RALYL: variants seen among roughly 807,000 people sequenced by gnomAD.
RALYL encodes RALY RNA binding protein like.
In RALYL, 29 loss-of-function variants were observed where a neutral mutation model predicts 35.1. That is an observed-to-expected ratio of 0.83 (90% CI 0.61 to 1.13). The LOEUF (loss-of-function observed/expected upper bound fraction) is 1.13, where lower values mean the gene tolerates loss of function less well. Ranked by LOEUF, RALYL falls within the 50% of genes most tolerant of loss-of-function variation. The probability of loss-of-function intolerance (pLI) is 0.00; values close to 1 mark genes in which losing one functional copy is unlikely to be tolerated. For missense variants in RALYL, 359 were observed against 360.4 expected (o/e 1.00, Z 0.03); for synonymous variants, 120 against 127.6 (o/e 0.94, Z 0.40).
At position 84,686,727 on chromosome 8, in the gene RALYL, A is replaced by G. The variant is rs997617238; in HGVS notation, c.257-87852A>G. Reference sequence around the variant, plus strand: ...ACCATTACATCATAATGTTTTTAAAAGTTTTATCAAACATATTTTCATCAT... The same window carrying G: ...ACCATTACATCATAATGTTTTTAAAGGTTTTATCAAACATATTTTCATCAT... On this transcript the variant is annotated intron_variant, in intron 2 of 8. Transcript: ENST00000521268. 5.3e-5 allele frequency among the ~76,000 whole-genome samples: 8 copies of G among 152,112 alleles called. No individual in the cohort carries two copies. The East Asian group carries it at 1.5e-3, about 29-fold the overall frequency.
intron 1 of RALYL, among the ~76,000 whole-genome samples, chr8:84,324,372 G>A (rs1164102059): frequency 2.6e-5 from 4 of 151,822 alleles, no homozygotes; most frequent in South Asian, 2.1e-4. Context: ...ACTTTGAGTG[G>A]TTGTATAGCT....
Position 84,550,513 on chromosome 8 carries a change from T to G in RALYL, c.256+20936T>G, listed in dbSNP as rs563671312. On this transcript the variant is annotated intron_variant, in intron 2 of 8. Coordinates refer to ENST00000521268, the MANE Select transcript of RALYL (RefSeq NM_173848.7). ...AAATAGTACCATATTTTTCTTTAAC[T>G]ACTAATAATGAAAAGTGAAGCTGAA... Among the ~76,000 whole-genome samples the G allele has an allele frequency of 5.3e-5, 8 of 152,056 alleles. No homozygotes were observed. The South Asian group carries it at 1.7e-3, about 32-fold the overall frequency.
chr8:84,350,395 A>C (rs1017832401), intron 1 of RALYL, among the ~76,000 whole-genome samples: 8 of 150,476 alleles, frequency 5.3e-5, no homozygotes, highest in Non-Finnish European at 1.0e-4. Flanking sequence ...AAAATGAAGA[A>C]TTTTTTTAAA....
At chr8:84,685,793 A>G (rs1836645240) in intron 2 of RALYL, among the ~76,000 whole-genome samples, 2 of 152,208 alleles carry the variant, frequency 1.3e-5, no homozygotes, top group South Asian at 4.1e-4. Flanking sequence ...TGAATAGTTA[A>G]GAAACACATA....
intron 2 of RALYL, among the ~76,000 whole-genome samples, chr8:84,641,403 G>A (rs146520875): frequency 0.016 from 2,449 of 151,630 alleles, 79 homozygotes; most frequent in African/African-American, 0.056. Flanking sequence ...TATAGATTAA[G>A]CCATTCCACT....
At chr8:84,733,047 G>T (rs1846540950) in intron 2 of RALYL, among the ~76,000 whole-genome samples, 1 of 151,924 alleles carries the variant, frequency 6.6e-6, no homozygotes, top group South Asian at 2.1e-4. Flanking sequence ...TCCTCTTGTG[G>T]CCCAGAGTCA....
At chr8:84,425,607 C>G (rs938579173) in intron 1 of RALYL, among the ~76,000 whole-genome samples, 1 of 152,156 alleles carries the variant, frequency 6.6e-6, no homozygotes, top group African/African-American at 2.4e-5. Context: ...TATACAGCCA[C>G]TTGTCCAATT....
intron 1 of RALYL, among the ~76,000 whole-genome samples, chr8:84,373,429 C>T (rs181279052): frequency 3.3e-5 from 5 of 152,082 alleles, no homozygotes; most frequent in Non-Finnish European, 5.9e-5. Context: ...TTTCAATTTT[C>T]TGCACATGGC....
At chr8:84,807,477 GCA>G (rs1274880122) in intron 4 of RALYL, among the ~76,000 whole-genome samples, 1 of 152,184 alleles carries the variant, frequency 6.6e-6, no homozygotes, top group African/African-American at 2.4e-5. Context: ...CTATAAACAT[GCA>G]TGTGCAAGTA....
rs184366091 is a variant in RALYL at position 84,325,222 on chromosome 8, G to A, written c.-24+140798G>A. On this transcript the variant is annotated intron_variant, in intron 1 of 8. Transcript: ENST00000521268. ...ATACTGTATTCAAAATTTCATTATC[G>A]TCAGGAAATATATCTCCTTTAAATC... Among the ~76,000 whole-genome samples the A allele has an allele frequency of 2.0e-3, 302 of 152,122 alleles. 1 individual carries two copies. Among genetic ancestry groups the A allele is most frequent in the African/African-American group, 6.6e-3 (274 of 41,516 alleles).
intron 1 of RALYL, among the ~76,000 whole-genome samples, chr8:84,482,270 T>A (rs1429056176): frequency 6.6e-6 from 1 of 152,092 alleles, no homozygotes; most frequent in Non-Finnish European, 1.5e-5. Flanking sequence ...ATAGATAGCA[T>A]TAGTGAAAAA....
intron 1 of RALYL, among the ~76,000 whole-genome samples, chr8:84,416,853 C>T (rs962038413): frequency 6.6e-6 from 1 of 152,068 alleles, no homozygotes; most frequent in African/African-American, 2.4e-5. Flanking sequence ...CTTAAAGTTG[C>T]AAAGGAAGGA....
At chr8:84,382,522 T>A (rs1002735536) in intron 1 of RALYL, among the ~76,000 whole-genome samples, 17 of 151,820 alleles carry the variant, frequency 1.1e-4, no homozygotes, top group African/African-American at 3.4e-4. Context: ...ATTTATTTAT[T>A]CTGTTAGTGA....
intron 2 of RALYL, among the ~76,000 whole-genome samples, chr8:84,683,795 T>C (rs1588989047): frequency 1.3e-5 from 2 of 152,172 alleles, no homozygotes; most frequent in African/African-American, 4.8e-5. Context: ...CAAGCGATTC[T>C]CCTGCCACAT....
At position 84,288,754 on chromosome 8, in the gene RALYL, C is replaced by T. The variant is rs1838175052; in HGVS notation, c.-24+104330C>T. ...TTGTAAAAGGAAAGATATATTTTTTCTCTGTACATTTTATTTGCTTTACAA... is the reference window on the plus strand; with the variant it reads ...TTGTAAAAGGAAAGATATATTTTTTTTCTGTACATTTTATTTGCTTTACAA... On this transcript the variant is annotated intron_variant, in intron 1 of 8. Transcript: ENST00000521268. Among the ~76,000 whole-genome samples the T allele has an allele frequency of 1.3e-5, 2 of 151,646 alleles. 1 individual carries two copies. Among genetic ancestry groups the T allele is most frequent in the South Asian group, 4.1e-4 (2 of 4,832 alleles).
chr8:84,362,405 G>A (rs1391369882), intron 1 of RALYL, among the ~76,000 whole-genome samples: 1 of 152,070 alleles, frequency 6.6e-6, no homozygotes, highest in Non-Finnish European at 1.5e-5. Context: ...CATCTGATGT[G>A]TCCCTCTAGA....
intron 1 of RALYL, among the ~76,000 whole-genome samples, chr8:84,366,949 C>T (rs898155571): frequency 3.0e-4 from 46 of 151,618 alleles, no homozygotes; most frequent in Admixed American, 3.0e-3. Context: ...GAAATAGCCT[C>T]TATATGACCT....
intron 1 of RALYL, among the ~76,000 whole-genome samples, chr8:84,502,962 C>T (rs1351870729): frequency 6.7e-6 from 1 of 149,196 alleles, no homozygotes; most frequent in East Asian, 1.9e-4. Flanking sequence ...AAGAATAAAC[C>T]CGAAAGAAGG....
intron 2 of RALYL, among the ~76,000 whole-genome samples, chr8:84,623,461 C>CCCTTAGG (rs138648680): frequency 0.085 from 12,860 of 151,768 alleles, 746 homozygotes; most frequent in Middle Eastern, 0.14. Flanking sequence ...AATATTTTAC[C>CCCTTAGG]CCTTAGGTCA....
Sources: gnomAD v4.1 joint callset for allele counts (sites outside exome capture counted in the v4.1 genomes callset) on GRCh38, gnomAD v4.1.1 for gene constraint, MANE v1.5 for transcripts, NCBI Gene and HGNC (gene_info 2026-07-23, HGNC 2026-07-21) for gene names.